SERINC5: variants seen among roughly 807,000 people sequenced by gnomAD.
SERINC5 encodes chromosome 5 open reading frame 12.
A neutral mutation model predicts 63.1 loss-of-function variants in SERINC5; 41 were observed. The observed-to-expected ratio is 0.65, with a 90% confidence interval of 0.51 to 0.84. The LOEUF is 0.84. Ranked by LOEUF, SERINC5 falls within the 40% of genes least tolerant of loss-of-function variation. SERINC5 has a pLI of 0.00. For synonymous variants in SERINC5, 222 were observed against 215.2 expected, an observed-to-expected ratio of 1.03 and a Z score of -0.28; for missense variants, 523 against 573.0, an observed-to-expected ratio of 0.91 and a Z score of 0.89.
chr5:80,143,161 A>G lies in SERINC5; in HGVS notation c.*502T>C. 1 of 986,294 alleles carries G rather than the reference A, an allele frequency of 1.0e-6. No homozygotes were observed. Among genetic ancestry groups the G allele is most frequent in the Non-Finnish European group, 1.2e-6 (1 of 830,590 alleles). The allele number at this position is 986,294 out of a possible 1,614,324, so 61.1% of individuals were successfully genotyped here. ...GCAGGTGCCTCCTCTTGGACCCTAT[A>G]AATACCAGGGGCCCTGCAGGCTGAG... On this transcript the variant is annotated 3_prime_UTR_variant, in exon 12 of 12. Transcript: ENST00000507668.
At chr5:80,121,575 T>C (rs1051450526) in intron 11 of SERINC5, among the ~76,000 whole-genome samples, 1 of 152,110 alleles carries the variant, frequency 6.6e-6, no homozygotes, top group Non-Finnish European at 1.5e-5. Flanking sequence ...CATACACTTT[T>C]GGGATCTATT....
chr5:80,250,385 A>G (rs1752356069), intron 1 of SERINC5, among the ~76,000 whole-genome samples: 2 of 152,250 alleles, frequency 1.3e-5, no homozygotes, highest in Non-Finnish European at 2.9e-5. Context: ...TGTCTTGCCC[A>G]AGCTGGAGTG....
At chr5:80,212,128 G>A (rs1326414806) in intron 1 of SERINC5, among the ~76,000 whole-genome samples, 2 of 152,138 alleles carry the variant, frequency 1.3e-5, no homozygotes, top group African/African-American at 2.4e-5. Flanking sequence ...TGGAAATACA[G>A]GAGACCTACC....
intron 4 of SERINC5, among the ~76,000 whole-genome samples, chr5:80,175,478 C>G (rs1561395702): frequency 6.6e-6 from 1 of 152,160 alleles, no homozygotes; most frequent in Non-Finnish European, 1.5e-5. Context: ...AAGGTTCAGA[C>G]AGGGGACAAG....
intron 11 of SERINC5, among the ~76,000 whole-genome samples, chr5:80,125,848 A>C (rs1242397999): frequency 6.6e-6 from 1 of 152,206 alleles, no homozygotes; most frequent in African/African-American, 2.4e-5. Flanking sequence ...GGAGGAAAAT[A>C]GATGTAAATA....
intron 1 of SERINC5, chr5:80,203,263 T>C (rs1347357837): frequency 4.4e-6 from 1 of 229,736 alleles, no homozygotes; most frequent in African/African-American, 2.3e-5. Flanking sequence ...TACACATATA[T>C]ATATATATGT....
At chr5:80,122,064 C>A (rs964923280) in intron 11 of SERINC5, among the ~76,000 whole-genome samples, 1 of 151,960 alleles carries the variant, frequency 6.6e-6, no homozygotes, top group Non-Finnish European at 1.5e-5. Context: ...TTACACAGTA[C>A]CCAGCATCTG....
At chr5:80,160,017 C>T (rs1746783097) in intron 7 of SERINC5, among the ~76,000 whole-genome samples, 1 of 152,106 alleles carries the variant, frequency 6.6e-6, no homozygotes, top group African/African-American at 2.4e-5. Context: ...TTAATCCATC[C>T]CAAAGAAGGG....
intron 5 of SERINC5, among the ~76,000 whole-genome samples, chr5:80,172,150 C>A (rs1747709852): frequency 6.6e-6 from 1 of 151,894 alleles, no homozygotes; most frequent in Non-Finnish European, 1.5e-5. Context: ...ACCAACATGG[C>A]GAAACCCCAT....
intron 7 of SERINC5, among the ~76,000 whole-genome samples, chr5:80,159,969 A>G (rs73772266): frequency 0.046 from 7,034 of 152,236 alleles, 229 homozygotes; most frequent in East Asian, 0.12. Flanking sequence ...ATCAGTAAAG[A>G]TAAGTATTTC....
At position 80,142,759 on chromosome 5, in the gene SERINC5, C is replaced by T. The variant is rs1745586814; in HGVS notation, c.*904G>A. On this transcript the variant is annotated 3_prime_UTR_variant, in exon 12 of 12. Coordinates refer to ENST00000507668, the MANE Select transcript of SERINC5 (RefSeq NM_001174072.3). ...GCAGTGCATGCAGCAGGCTTCAACA[C>T]GAAGCAGCTTTTCAGTTAAGGTCCT... is the stretch of plus-strand genomic sequence containing the variant. 2.0e-6 allele frequency: 2 copies of T among 985,434 alleles called. No individual in the cohort carries two copies. The highest frequency in any genetic ancestry group is 2.4e-6 in the Non-Finnish European group (2 of 829,940). 61.0% of individuals were successfully genotyped at this position (985,434 alleles called of 1,614,324 possible). A position where few individuals can be genotyped will look rare whatever the true frequency, so the allele number is the denominator to read the frequency against.
chr5:80,203,253 TAC>T (rs768785966), intron 1 of SERINC5, 200 bp from the exon 2 acceptor site: 1 of 342,470 alleles, frequency 2.9e-6, no homozygotes, highest in Non-Finnish European at 5.5e-6. Flanking sequence ...TAAATATATA[TAC>T]ACATATATAT....
At position 80,146,156 on chromosome 5, in the gene SERINC5, G is replaced by T. The variant is rs771411269; in HGVS notation, c.1172C>A (p.Ser391Tyr). ...TAGGAAGAACACGAAGTGGAAGTAGGAGTAGATGTAGACGGTGCCTTTCTT... is the reference window on the plus strand; with the variant it reads ...TAGGAAGAACACGAAGTGGAAGTAGTAGTAGATGTAGACGGTGCCTTTCTT... ...DEKKGTVYIY[S>Y]YFHFVFFLAS... The change falls in exon 11 of 12, where the codon TCC (serine) becomes TAC (tyrosine). Residue 391 changes from serine to tyrosine, a missense_variant. Transcript: ENST00000507668. The T allele has an allele frequency of 6.2e-7, 1 of 1,614,030 alleles. No homozygotes were observed. Among genetic ancestry groups the T allele is most frequent in the Non-Finnish European group, 8.5e-7 (1 of 1,179,876 alleles).
At position 80,143,776 on chromosome 5, in the gene SERINC5, C is replaced by G; in HGVS notation, c.1273G>C (p.Gly425Arg). The G allele has an allele frequency of 6.5e-7, 1 of 1,536,120 alleles. No homozygotes were observed. The highest frequency in any genetic ancestry group is 8.7e-7 in the Non-Finnish European group (1 of 1,146,874). Residue 425 changes from glycine to arginine, a missense_variant, in exon 12 of 12, where the codon GGG (glycine) becomes CGG (arginine). By Grantham distance (125) the Gly-to-Arg change is moderately radical (BLOSUM62 -2). Coordinates refer to ENST00000507668, the MANE Select transcript of SERINC5 (RefSeq NM_001174072.3). ...ESANIESFFS[G>R]SWSIFWVKMA... is the part of the protein sequence containing the mutation. Reference sequence around the variant, plus strand: ...TTGACCCAGAAGATGGACCAGCTCCCGCTGAAGAAGCTCTCGATGTTGGCA... The same window carrying G: ...TTGACCCAGAAGATGGACCAGCTCCGGCTGAAGAAGCTCTCGATGTTGGCA...
intron 1 of SERINC5, among the ~76,000 whole-genome samples, chr5:80,223,106 A>G (rs1321767678): frequency 6.6e-6 from 1 of 152,182 alleles, no homozygotes; most frequent in Non-Finnish European, 1.5e-5. Flanking sequence ...ATCCACCAGC[A>G]TCAGCCTTCC....
At chr5:80,156,996 T>A in intron 8 of SERINC5, 1 of 130,056 alleles carries the variant, frequency 7.7e-6, no homozygotes, top group African/African-American at 4.3e-5. Flanking sequence ...TTTTTTTCTT[T>A]TTTTTTTTTT....
chr5:80,200,271 A>G (rs1410419253), intron 2 of SERINC5, among the ~76,000 whole-genome samples: 1 of 151,176 alleles, frequency 6.6e-6, no homozygotes, highest in Non-Finnish European at 1.5e-5. Context: ...AGGTCAGGAG[A>G]TCGAGACCAT....
intron 5 of SERINC5, among the ~76,000 whole-genome samples, chr5:80,171,309 A>G (rs957979248): frequency 3.3e-5 from 5 of 152,120 alleles, no homozygotes; most frequent in Admixed American, 2.0e-4. Flanking sequence ...GCCTGGCCCT[A>G]AATGTTTGAT....
chr5:80,238,503 A>C (rs1254286571), intron 1 of SERINC5, among the ~76,000 whole-genome samples: 4 of 152,018 alleles, frequency 2.6e-5, no homozygotes, highest in Admixed American at 6.6e-5. Context: ...CCCAATCCAG[A>C]GCCAGGCATG....
Sources: allele counts gnomAD v4.1 joint callset (sites outside exome capture counted in the v4.1 genomes callset), GRCh38; gene constraint gnomAD v4.1.1; transcripts MANE v1.5; gene names NCBI Gene and HGNC (gene_info 2026-07-23, HGNC 2026-07-21).